SPHKAP: variants seen among roughly 807,000 people sequenced by gnomAD.
SPHKAP encodes A-kinase anchor protein SPHKAP.
SPHKAP carries 67 observed loss-of-function variants against 137.5 expected under a neutral mutation model. The observed-to-expected ratio is 0.49, with a 90% confidence interval of 0.40 to 0.60. The LOEUF (loss-of-function observed/expected upper bound fraction) is 0.60, where lower values mean the gene tolerates loss of function less well. SPHKAP is among the 20% of genes least tolerant of loss of function. The probability of loss-of-function intolerance (pLI) is 0.00; values close to 1 mark genes in which losing one functional copy is unlikely to be tolerated. For synonymous variants in SPHKAP, 813 were observed against 785.3 expected (o/e 1.04, Z -0.59); for missense variants, 2,097 against 2,069.3 (o/e 1.01, Z -0.26).
chr2:228,160,122 A>T (rs1478056493), intron 1 of SPHKAP, among the ~76,000 whole-genome samples: 1 of 152,196 alleles, frequency 6.6e-6, no homozygotes, highest in African/African-American at 2.4e-5. Context: ...TGGAGTTTTC[A>T]ATGAACATGA....
At chr2:228,046,231 C>A (rs542870513) in intron 3 of SPHKAP, among the ~76,000 whole-genome samples, 1 of 145,812 alleles carries the variant, frequency 6.9e-6, no homozygotes, top group South Asian at 2.2e-4. Flanking sequence ...TCAAAGTAAA[C>A]TAAAACAATA....
Position 228,027,542 on chromosome 2 carries a change from A to G in SPHKAP, c.248T>C (p.Val83Ala), listed in dbSNP as rs1343480124. Residue 83 changes from valine (V) to alanine (A), a missense_variant and splice_region_variant, in exon 4 of 12, where the codon GTC becomes GCC. Physicochemically the swap from Val to Ala is moderately conservative, Grantham distance 64. Transcript: ENST00000392056. ...GTTCACATCAAGATTCACAAAGCAG[A>G]CCTGGGAAAAGAGGGCAAAAATAGT... ...VEDKSENCAS[V>A]CFVNLDVNKD... 1.2e-6 allele frequency: 2 copies of G among 1,613,826 alleles called. No individual in the cohort carries two copies. Among genetic ancestry groups the G allele is most frequent in the African/African-American group, 2.7e-5 (2 of 74,918 alleles).
chr2:228,019,376 T>C lies in SPHKAP; in HGVS notation c.1478A>G (p.Gln493Arg), dbSNP rs771442986. ...LSGENSSRQP[Q>R]SALEVALACA... is the part of the protein sequence containing the mutation. ...AGCTAACGCCACTTCTAGAGCACTCTGGGGTTGTCTGCTGGAGTTCTCTCC... is the reference window on the plus strand; with the variant it reads ...AGCTAACGCCACTTCTAGAGCACTCCGGGGTTGTCTGCTGGAGTTCTCTCC... Residue 493 changes from glutamine (Q) to arginine (R), a missense_variant, in exon 7 of 12, where the codon CAG (glutamine) becomes CGG (arginine). Gln to Arg is a conservative substitution (Grantham distance 43). Coordinates refer to ENST00000392056, the MANE Select transcript of SPHKAP (RefSeq NM_001142644.2). 6.2e-7 allele frequency: 1 copy of C among 1,614,146 alleles called. No individual in the cohort carries two copies. Among genetic ancestry groups the C allele is most frequent in the Non-Finnish European group, 8.5e-7 (1 of 1,180,028 alleles).
At chr2:228,141,332 T>C (rs1699601505) in intron 1 of SPHKAP, among the ~76,000 whole-genome samples, 1 of 152,184 alleles carries the variant, frequency 6.6e-6, no homozygotes, top group South Asian at 2.1e-4. Flanking sequence ...TTGTGGTGGT[T>C]TCATGGTGCT....
At chr2:228,107,858 G>A (rs1462022375) in intron 3 of SPHKAP, among the ~76,000 whole-genome samples, 2 of 152,156 alleles carry the variant, frequency 1.3e-5, no homozygotes, top group African/African-American at 2.4e-5. Context: ...TCAAAAGTAC[G>A]AAAAGCAGCA....
intron 1 of SPHKAP, among the ~76,000 whole-genome samples, chr2:228,176,201 G>T (rs952355266): frequency 3.3e-5 from 5 of 152,196 alleles, no homozygotes; most frequent in African/African-American, 1.2e-4. Context: ...GTTTCTGTAA[G>T]TATAATGCTG....
intron 5 of SPHKAP, among the ~76,000 whole-genome samples, chr2:228,022,838 G>A (rs1694891773): frequency 6.6e-6 from 1 of 152,148 alleles, no homozygotes; most frequent in African/African-American, 2.4e-5. Context: ...CTGCCTTGAA[G>A]ATACTCAGTA....
chr2:228,035,246 CAGAG>C (rs200925231), intron 3 of SPHKAP, among the ~76,000 whole-genome samples: 51,152 of 142,762 alleles, frequency 0.36, 8,863 homozygotes, highest in South Asian at 0.47. Context: ...AACAGACAAA[CAGAG>C]AGCCAAATCA....
intron 3 of SPHKAP, among the ~76,000 whole-genome samples, chr2:228,093,004 T>C (rs1305834915): frequency 6.6e-6 from 1 of 152,000 alleles, no homozygotes; most frequent in Non-Finnish European, 1.5e-5. Flanking sequence ...AAATCACCAC[T>C]AAAGAACTTA....
intron 1 of SPHKAP, among the ~76,000 whole-genome samples, chr2:228,179,158 A>C (rs1700825685): frequency 6.6e-6 from 1 of 152,176 alleles, no homozygotes; most frequent in African/African-American, 2.4e-5. Flanking sequence ...GAATGTCTTA[A>C]ATTGTTTTCT....
intron 7 of SPHKAP, among the ~76,000 whole-genome samples, chr2:228,002,774 C>T (rs1693958629): frequency 6.6e-6 from 1 of 152,162 alleles, no homozygotes; most frequent in Non-Finnish European, 1.5e-5. Context: ...CCAGTTTCAG[C>T]TTTCTACATA....
Position 227,984,083 on chromosome 2 carries a change from G to A in SPHKAP, c.4960-2223C>T, listed in dbSNP as rs527976152. ...TGGGAGGCTGAGGCAGGCTGATCAC[G>A]AGGTCAGGAATTCGAGACCAGCCTG... is the stretch of plus-strand genomic sequence containing the variant. On this transcript the variant is annotated intron_variant, in intron 11 of 11. Transcript: ENST00000392056. 7.9e-5 allele frequency among the ~76,000 whole-genome samples: 12 copies of A among 152,098 alleles called. No individual in the cohort carries two copies. The East Asian group carries it at 1.5e-3, about 20-fold the overall frequency.
chr2:227,993,636 T>G lies in SPHKAP; in HGVS notation c.4635-16A>C. 6.4e-7 allele frequency: 1 copy of G among 1,570,970 alleles called. No individual in the cohort carries two copies. The highest frequency in any genetic ancestry group is 8.6e-7 in the Non-Finnish European group (1 of 1,156,220). On this transcript the variant is annotated splice_polypyrimidine_tract_variant and intron_variant, in intron 8 of 11. Transcript: ENST00000392056. ...GTTGCCATTGCTGACAAAGCAAAAG[T>G]TTACATATTAATGCCCGTCTCCACC...
At chr2:228,171,206 A>C (rs1289314602) in intron 1 of SPHKAP, among the ~76,000 whole-genome samples, 1 of 152,134 alleles carries the variant, frequency 6.6e-6, no homozygotes, top group Non-Finnish European at 1.5e-5. Flanking sequence ...TATTTTTAGT[A>C]AATCCAGTGC....
chr2:228,160,480 G>A (rs1436209039), intron 1 of SPHKAP, among the ~76,000 whole-genome samples: 1 of 152,152 alleles, frequency 6.6e-6, no homozygotes, highest in African/African-American at 2.4e-5. Context: ...CATGATGGCA[G>A]GATGGAGAAG....
chr2:228,080,656 G>A (rs114461467), intron 3 of SPHKAP, among the ~76,000 whole-genome samples: 1,647 of 151,988 alleles, frequency 0.011, 45 homozygotes, highest in African/African-American at 0.034. Flanking sequence ...GCAGTGAGCC[G>A]TGATGACTCC....
intron 1 of SPHKAP, among the ~76,000 whole-genome samples, chr2:228,173,635 T>A (rs553818712): frequency 4.5e-4 from 68 of 152,140 alleles, no homozygotes; most frequent in African/African-American, 1.5e-3. Flanking sequence ...GAAATAGCAA[T>A]AAGACCATTT....
At chr2:228,180,041 A>G (rs1456552527) in intron 1 of SPHKAP, among the ~76,000 whole-genome samples, 1 of 152,170 alleles carries the variant, frequency 6.6e-6, no homozygotes. Context: ...GACTTTCCAA[A>G]CACCTTAATG....
intron 3 of SPHKAP, among the ~76,000 whole-genome samples, chr2:228,039,723 T>C (rs1255702470): frequency 1.3e-5 from 2 of 152,192 alleles, no homozygotes; most frequent in Non-Finnish European, 2.9e-5. Context: ...CAGTTTTATT[T>C]TGACAGATAA....
Sources: allele counts gnomAD v4.1 joint callset (sites outside exome capture counted in the v4.1 genomes callset), GRCh38; gene constraint gnomAD v4.1.1; transcripts MANE v1.5; gene names NCBI Gene and HGNC (gene_info 2026-07-23, HGNC 2026-07-21).